The following CDC37 variants were observed in gnomAD, a reference collection of about 807,000 sequenced individuals.
CDC37 encodes hsp90 co-chaperone Cdc37.
CDC37 carries 9 observed loss-of-function variants against 46.9 expected under a neutral mutation model. That is an observed-to-expected ratio of 0.19 (90% CI 0.12 to 0.33). CDC37 has a LOEUF of 0.33. Ranked by LOEUF, CDC37 falls within the 10% of genes least tolerant of loss-of-function variation. The pLI, the probability that CDC37 is intolerant of heterozygous loss-of-function variation, is 1.00. For synonymous variants in CDC37, 193 were observed against 191.0 expected, an observed-to-expected ratio of 1.01 and a Z score of -0.09; for missense variants, 388 against 514.6, an observed-to-expected ratio of 0.75 and a Z score of 2.38.
intron 7 of CDC37, among the ~76,000 whole-genome samples, chr19:10,392,085 A>G (rs1028837309): frequency 6.6e-6 from 1 of 152,250 alleles, no homozygotes; most frequent in Non-Finnish European, 1.5e-5. Context: ...TACAGGCGTG[A>G]GCCACCGTAC....
intron 2 of CDC37, 39 bp from the exon 3 acceptor site, chr19:10,395,582 C>CGCTCCGCAGCCT: frequency 1.3e-6 from 2 of 1,514,182 alleles, no homozygotes; most frequent in Non-Finnish European, 1.8e-6. Context: ...TGGGGCAAGG[C>CGCTCCGCAGCCT]TGCGGAGCGC....
intron 5 of CDC37, among the ~76,000 whole-genome samples, chr19:10,394,668 C>G (rs2042477854): frequency 6.6e-6 from 1 of 152,036 alleles, no homozygotes; most frequent in Admixed American, 6.6e-5. Flanking sequence ...CCCCGAGTAG[C>G]TGGGATTACA....
chr19:10,394,811 C>T lies in CDC37; in HGVS notation c.726+210G>A, dbSNP rs28382785. Among the ~76,000 whole-genome samples the T allele has an allele frequency of 1.1e-3, 170 of 151,584 alleles. 1 individual carries two copies. In the South Asian group the frequency reaches 0.018, roughly 16 times the overall value. ...CCTCCCAAAGTGCTGGGATTACAGG[C>T]GTGAGCCACTGCGCCCGGCCTCCAC... On this transcript the variant is annotated intron_variant, in intron 5 of 7. Transcript: ENST00000222005.
At position 10,391,483 on chromosome 19, in the gene CDC37, A is replaced by G; in HGVS notation, c.*68T>C. On this transcript the variant is annotated 3_prime_UTR_variant, in exon 8 of 8. Transcript: ENST00000222005. The stretch of plus-strand genomic sequence containing the variant: ...GGAAGTCAGGAGCGGGCGAGATGGC[A>G]TCTATCTGTTTTCTGAAAAGGGGCA... The G allele has an allele frequency of 6.3e-7, 1 of 1,582,604 alleles. No individual in the cohort carries two copies. The highest frequency in any genetic ancestry group is 8.7e-7 in the Non-Finnish European group (1 of 1,152,054).
Position 10,396,240 on chromosome 19 carries a change from G to A in CDC37, c.103-37C>T, listed in dbSNP as rs746983706. The A allele has an allele frequency of 1.9e-6, 3 of 1,595,644 alleles. No homozygotes were observed. The highest frequency in any genetic ancestry group is 2.7e-5 in the African/African-American group (2 of 74,586). The stretch of plus-strand genomic sequence containing the variant: ...GACGGCCTATCAACTCTGGGGAGTC[G>A]TCTGTCCCTTACCCCCGCCCCATAC... On this transcript the variant is annotated intron_variant, in intron 1 of 7. Transcript: ENST00000222005. This position sits in a 1 kb window ranked among gnomAD's most constrained non-coding sequence, Gnocchi z 5.9.
At chr19:10,392,875 A>G (rs2042465167) in intron 7 of CDC37, 2 of 597,072 alleles carry the variant, frequency 3.3e-6, no homozygotes, top group Non-Finnish European at 6.0e-6. Context: ...CACGAAGGAC[A>G]TGCGCTCAAA....
Position 10,391,602 on chromosome 19 carries a change from T to C in CDC37, c.1086A>G (p.Pro362=), listed in dbSNP as rs757828924. ...CCGTCTTGGGAACAGCTTCCAGTAA[T>C]GGGTCCCCAGGACCTGCCTCCTCTC... is the stretch of plus-strand genomic sequence containing the variant. The part of the protein sequence containing the change: ...KEGEEAGPGD[P]LLEAVPKTGD... The change falls in exon 8 of 8, where the codon CCA becomes CCG. Residue 362 remains proline, a synonymous_variant. Coordinates refer to ENST00000222005, the MANE Select transcript of CDC37 (RefSeq NM_007065.4). 6.2e-7 allele frequency: 1 copy of C among 1,614,210 alleles called. No individual in the cohort carries two copies. The highest frequency in any genetic ancestry group is 8.5e-7 in the Non-Finnish European group (1 of 1,180,032).
chr19:10,396,184 T>C lies in CDC37; in HGVS notation c.122A>G (p.Glu41Gly). ...TTCCTCCTTCTCCTTCTGGAACTGC[T>C]CCATGCGTTCCACCCGGGCCTGCGG... ...WRHQARVERM[E>G]QFQKEKEELD... is the part of the protein sequence containing the mutation. Residue 41 changes from glutamate to glycine, a missense_variant, in exon 2 of 8, where the codon GAG becomes GGG. By Grantham distance (98) the Glu-to-Gly change is moderately conservative. Coordinates refer to ENST00000222005, the MANE Select transcript of CDC37 (RefSeq NM_007065.4). The surrounding 1 kb of genome is among the most constrained non-coding windows in gnomAD (Gnocchi z 5.9). 6.2e-7 allele frequency: 1 copy of C among 1,613,870 alleles called. No homozygotes were observed. Among genetic ancestry groups the C allele is most frequent in the South Asian group, 1.1e-5 (1 of 91,062 alleles).
chr19:10,401,976 G>A (rs2042520762), intron 1 of CDC37, among the ~76,000 whole-genome samples: 1 of 151,864 alleles, frequency 6.6e-6, no homozygotes, highest in Non-Finnish European at 1.5e-5. Context: ...CCAACATGGA[G>A]AAACCCTGTC....
In CDC37 at chr19:10,393,540, C is replaced by A; in HGVS notation, c.727-99G>T. On this transcript the variant is annotated intron_variant, in intron 5 of 7. Coordinates refer to ENST00000222005, the MANE Select transcript of CDC37 (RefSeq NM_007065.4). The surrounding 1 kb of genome is among the most constrained non-coding windows in gnomAD (Gnocchi z 4.9). ...GCCACAGCTCCTCAGAGGCGCCCCA[C>A]GGTTCCCCAAGTCTATTCCTGACCT... 7.8e-7 allele frequency: 1 copy of A among 1,276,086 alleles called. No individual in the cohort carries two copies. The highest frequency in any genetic ancestry group is 1.1e-6 in the Non-Finnish European group (1 of 933,406). The allele number at this position is 1,276,086 out of a possible 1,614,324, so 79.0% of individuals were successfully genotyped here. A position where few individuals can be genotyped will look rare whatever the true frequency, so the allele number is the denominator to read the frequency against.
chr19:10,394,905 T>A (rs1259663430), intron 5 of CDC37, 116 bp downstream of exon 5: 1 of 1,121,570 alleles, frequency 8.9e-7, no homozygotes, highest in African/African-American at 1.6e-5. Flanking sequence ...TGATCTAGGA[T>A]GCGGTGACTG....
Position 10,392,903 on chromosome 19 carries a change from T to C in CDC37, c.981+183A>G. 6.5e-6 allele frequency: 4 copies of C among 611,494 alleles called. No homozygotes were observed. The South Asian group carries it at 7.7e-5, about 12-fold the overall frequency. 37.9% of individuals were successfully genotyped at this position (611,494 alleles called of 1,614,324 possible). A position where few individuals can be genotyped will look rare whatever the true frequency, so the allele number is the denominator to read the frequency against. On this transcript the variant is annotated intron_variant, in intron 7 of 7. Coordinates refer to ENST00000222005, the MANE Select transcript of CDC37 (RefSeq NM_007065.4). Reference sequence around the variant, plus strand: ...CGCTCAAAGCTCAGCATTTATCTGCTGGATACTGGGATACAGTAGGTGCTC... The same window carrying C: ...CGCTCAAAGCTCAGCATTTATCTGCCGGATACTGGGATACAGTAGGTGCTC...
Position 10,393,045 on chromosome 19 carries a change from CA to C in CDC37, c.981+40del. On this transcript the variant is annotated intron_variant, in intron 7 of 7. Transcript: ENST00000222005. The surrounding 1 kb of genome is among the most constrained non-coding windows in gnomAD (Gnocchi z 4.9). Reference sequence around the variant, plus strand: ...TTGGGACACAGGGCTGGGGGAGACACACGGCCCGCCGGGAAGGCATGGGGCG... The same window carrying C: ...TTGGGACACAGGGCTGGGGGAGACACCGGCCCGCCGGGAAGGCATGGGGCG... 6.3e-7 allele frequency: 1 copy of C among 1,575,624 alleles called. No individual in the cohort carries two copies. The highest frequency in any genetic ancestry group is 8.7e-7 in the Non-Finnish European group (1 of 1,145,122).
Position 10,395,345 on chromosome 19 carries a change from T to C in CDC37, c.488-2A>G. 1 of 1,613,366 alleles carries C rather than the reference T, an allele frequency of 6.2e-7. No individual in the cohort carries two copies. The highest frequency in any genetic ancestry group is 1.3e-5 in the African/African-American group (1 of 75,042). ...TGTCATCCCAGCGGCGAAGCATGCC[T>C]GTGGGAAGATGCTGGCAAGGTGCTG... is the stretch of plus-strand genomic sequence containing the variant. On this transcript the variant is annotated splice_acceptor_variant, in intron 3 of 7. Coordinates refer to ENST00000222005, the MANE Select transcript of CDC37 (RefSeq NM_007065.4). LOFTEE classifies it high-confidence loss of function.
rs1396700872 is a variant in CDC37, at chr19:10,396,753, T to C, written c.103-550A>G. ...GCCCAGCTAATTTTTGTATTTTCAGTAAAGATGGGGTTTGCCATGTTGCCC... is the reference window on the plus strand; with the variant it reads ...GCCCAGCTAATTTTTGTATTTTCAGCAAAGATGGGGTTTGCCATGTTGCCC... On this transcript the variant is annotated intron_variant, in intron 1 of 7. Coordinates refer to ENST00000222005, the MANE Select transcript of CDC37 (RefSeq NM_007065.4). The surrounding 1 kb of genome is among the most constrained non-coding windows in gnomAD (Gnocchi z 5.9). Among the ~76,000 whole-genome samples the C allele has an allele frequency of 1.3e-5, 2 of 152,008 alleles. No individual in the cohort carries two copies. The highest frequency in any genetic ancestry group is 2.9e-5 in the Non-Finnish European group (2 of 68,002).
chr19:10,395,693 G>C, intron 2 of CDC37, 150 bp from the exon 3 acceptor site: 1 of 789,398 alleles, frequency 1.3e-6, no homozygotes, highest in Non-Finnish European at 2.1e-6. Context: ...GCGTGGGCAT[G>C]GGCCTTGGGG....
chr19:10,398,859 AT>A lies in CDC37; in HGVS notation c.103-2657del, dbSNP rs932051376. On this transcript the variant is annotated intron_variant, in intron 1 of 7. Coordinates refer to ENST00000222005, the MANE Select transcript of CDC37 (RefSeq NM_007065.4). This position sits in a 1 kb window ranked among gnomAD's most constrained non-coding sequence, Gnocchi z 4.2. ...ACTGACGGGAGATGGAACTTTGGCC[AT>A]GTCACTGAAACCTTTCCCAGCCTTG... 3.9e-5 allele frequency among the ~76,000 whole-genome samples: 6 copies of A among 152,212 alleles called. No homozygotes were observed. Among genetic ancestry groups the A allele is most frequent in the African/African-American group, 1.4e-4 (6 of 41,456 alleles).
Position 10,391,138 on chromosome 19 carries a change from T to C in CDC37, c.*413A>G. On this transcript the variant is annotated 3_prime_UTR_variant, in exon 8 of 8. Transcript: ENST00000222005. ...GGCCCTCCCAGCAGCCCAGAGAGCATCTGAAATCTTTTATTGGAAGATCAT... is the reference window on the plus strand; with the variant it reads ...GGCCCTCCCAGCAGCCCAGAGAGCACCTGAAATCTTTTATTGGAAGATCAT... 7.8e-6 allele frequency: 2 copies of C among 255,030 alleles called. No homozygotes were observed. The highest frequency in any genetic ancestry group is 7.7e-5 in the South Asian group (2 of 25,842). 15.8% of individuals were successfully genotyped at this position (255,030 alleles called of 1,614,324 possible).
At chr19:10,402,070 T>A (rs1481125191) in intron 1 of CDC37, among the ~76,000 whole-genome samples, 1 of 142,128 alleles carries the variant, frequency 7.0e-6, no homozygotes, top group African/African-American at 2.7e-5. Flanking sequence ...GGCAGGAGAA[T>A]CACTTGAACC....
Sources: allele counts gnomAD v4.1 joint callset (sites outside exome capture counted in the v4.1 genomes callset), GRCh38; gene constraint gnomAD v4.1.1; non-coding constraint Gnocchi (gnomAD v3.1); transcripts MANE v1.5; gene names NCBI Gene and HGNC (gene_info 2026-07-23, HGNC 2026-07-21).